The following SLC6A4 variants were observed in gnomAD, a reference collection of about 807,000 sequenced individuals.
SLC6A4 encodes the protein sodium-dependent serotonin transporter.
A neutral mutation model predicts 73.4 loss-of-function variants in SLC6A4; 22 were observed. That is an observed-to-expected ratio of 0.30 (90% CI 0.21 to 0.43). The LOEUF is 0.43. Among genes scored for constraint, SLC6A4 ranks in the 20% least tolerant of loss-of-function variants. The probability of loss-of-function intolerance (pLI) is 1.00; values close to 1 mark genes in which losing one functional copy is unlikely to be tolerated. For missense variants in SLC6A4, 593 were observed against 808.5 expected, an observed-to-expected ratio of 0.73 and a Z score of 3.23; for synonymous variants, 270 against 315.5, an observed-to-expected ratio of 0.86 and a Z score of 1.53.
chr17:30,218,109 T>C lies in SLC6A4; in HGVS notation c.698+9A>G, dbSNP rs749950094. On this transcript the variant is annotated intron_variant, in intron 5 of 14. Coordinates refer to ENST00000650711, the MANE Select transcript of SLC6A4 (RefSeq NM_001045.6). ...CTAACAGGCCAACCCCTCACTTACG[T>C]GCACTTACGTGTAAAATTCTTCAGC... 2 of 1,612,486 alleles carry C rather than the reference T, an allele frequency of 1.2e-6. No homozygotes were observed. The highest frequency in any genetic ancestry group is 1.7e-5 in the Admixed American group (1 of 60,016).
chr17:30,217,437 C>G, intron 5 of SLC6A4, 133 bp from the exon 6 acceptor site: 1 of 847,166 alleles, frequency 1.2e-6, no homozygotes, highest in Non-Finnish European at 1.8e-6. Flanking sequence ...CACTGAGGCC[C>G]AGGAAGAGCT....
At chr17:30,230,072 G>A (rs1362369491) in intron 1 of SLC6A4, among the ~76,000 whole-genome samples, 1 of 114,912 alleles carries the variant, frequency 8.7e-6, no homozygotes, top group African/African-American at 4.8e-5. Context: ...AGAAGAAGAA[G>A]AAGAAGAAGA....
chr17:30,220,443 T>C (rs982883288), intron 3 of SLC6A4, among the ~76,000 whole-genome samples: 1 of 152,102 alleles, frequency 6.6e-6, no homozygotes, highest in African/African-American at 2.4e-5. Context: ...AGTTAACTAC[T>C]TGAGAGGCTT....
chr17:30,218,540 C>G (rs1906653204), intron 4 of SLC6A4, among the ~76,000 whole-genome samples: 2 of 152,180 alleles, frequency 1.3e-5, no homozygotes, highest in African/African-American at 4.8e-5. Flanking sequence ...TGCAAGGTAA[C>G]ATGTTTTAGA....
At chr17:30,230,077 A>AGAAGAAGAAGAAGAG (rs1907045806) in intron 1 of SLC6A4, among the ~76,000 whole-genome samples, 1 of 120,752 alleles carries the variant, frequency 8.3e-6, no homozygotes, top group East Asian at 2.1e-4. Context: ...AAGAAGAAGA[A>AGAAGAAGAAGAAGAG]GAAGAAGAAG....
intron 14 of SLC6A4, among the ~76,000 whole-genome samples, 196 bp from the exon 15 acceptor site, chr17:30,198,726 T>C (rs914464055): frequency 1.3e-5 from 2 of 152,194 alleles, no homozygotes; most frequent in Admixed American, 1.3e-4. Flanking sequence ...TAAAATGGTA[T>C]ATTCAGAAAC....
At chr17:30,234,199 A>G (rs1484182927) in intron 1 of SLC6A4, among the ~76,000 whole-genome samples, 9 of 151,992 alleles carry the variant, frequency 5.9e-5, no homozygotes, top group Admixed American at 5.2e-4. Flanking sequence ...TAGTATATAT[A>G]TATTTCTTAA....
Position 30,221,600 on chromosome 17 carries a change from A to G in SLC6A4, c.343+16T>C, listed in dbSNP as rs753173159. ...ACCCTGGGTCACAGCCTCTACTCGC[A>G]GCCTGTGATACTGACCCCCTCCATT... On this transcript the variant is annotated intron_variant, in intron 3 of 14. Transcript: ENST00000650711. The G allele has an allele frequency of 3.7e-6, 6 of 1,605,282 alleles. No individual in the cohort carries two copies. The Admixed American group carries it at 6.7e-5, about 18-fold the overall frequency.
chr17:30,225,580 C>T (rs536319743), intron 1 of SLC6A4, among the ~76,000 whole-genome samples: 15 of 152,304 alleles, frequency 9.8e-5, no homozygotes, highest in African/African-American at 3.6e-4. Context: ...AATATTACAG[C>T]TGTGACCTTC....
Position 30,211,397 on chromosome 17 carries a change from G to A in SLC6A4, c.1232C>T (p.Ala411Val). 1 of 1,613,004 alleles carries A rather than the reference G, an allele frequency of 6.2e-7. No individual in the cohort carries two copies. The highest frequency in any genetic ancestry group is 8.5e-7 in the Non-Finnish European group (1 of 1,179,002). Residue 411 changes from alanine (A) to valine (V), a missense_variant, in exon 10 of 15, where the codon GCA becomes GTA. Physicochemically the swap from Ala to Val is moderately conservative, Grantham distance 64 (BLOSUM62 0). Coordinates refer to ENST00000650711, the MANE Select transcript of SLC6A4 (RefSeq NM_001045.6). The surrounding 1 kb of genome is among the most constrained non-coding windows in gnomAD (Gnocchi z 4.0). ...CGCTGGCATGTTGGCTATCGCTTCT[G>A]CATACGTGATGAAGAGGAGGCTGGG... ...AGPSLLFITY[A>V]EAIANMPAST...
chr17:30,226,059 C>G (rs553703208), intron 1 of SLC6A4, among the ~76,000 whole-genome samples: 28 of 152,204 alleles, frequency 1.8e-4, no homozygotes, highest in Non-Finnish European at 2.8e-4. Context: ...TCAGTGCCTT[C>G]TAAGCAGAAA....
intron 14 of SLC6A4, among the ~76,000 whole-genome samples, chr17:30,200,245 C>T (rs1195518188): frequency 6.6e-6 from 1 of 152,240 alleles, no homozygotes; most frequent in Non-Finnish European, 1.5e-5. Flanking sequence ...GGATGCCAGG[C>T]CCACGTCTGT....
chr17:30,214,553 C>T (rs1250861570), intron 8 of SLC6A4, among the ~76,000 whole-genome samples: 2 of 151,408 alleles, frequency 1.3e-5, no homozygotes, highest in African/African-American at 4.9e-5. Flanking sequence ...TTGTTAAACA[C>T]ATTGACTAGT....
intron 1 of SLC6A4, among the ~76,000 whole-genome samples, chr17:30,224,854 A>G (rs911992780): frequency 2.6e-5 from 4 of 152,150 alleles, no homozygotes; most frequent in African/African-American, 9.7e-5. Context: ...TGTTCTCAGG[A>G]GTCCTCAGGG....
chr17:30,217,514 C>T (rs753285654), intron 5 of SLC6A4, among the ~76,000 whole-genome samples: 5 of 152,196 alleles, frequency 3.3e-5, no homozygotes, highest in Non-Finnish European at 7.4e-5. Context: ...GAAGAGTGTT[C>T]AACCTAAAGG....
chr17:30,198,399 C>G lies in SLC6A4; in HGVS notation c.*57G>C, dbSNP rs200612997. 2.0e-6 allele frequency: 2 copies of G among 980,860 alleles called. No individual in the cohort carries two copies. The highest frequency in any genetic ancestry group is 3.3e-5 in the African/African-American group (2 of 60,846). 60.8% of individuals were successfully genotyped at this position (980,860 alleles called of 1,614,324 possible). On this transcript the variant is annotated 3_prime_UTR_variant, in exon 15 of 15. Transcript: ENST00000650711. The stretch of plus-strand genomic sequence containing the variant: ...CTTGGAGGGGAGAAGGCAGGCGTGC[C>G]TCATCAGAACTGGAGGAGGAGGTTG...
Position 30,203,048 on chromosome 17 carries a change from A to G in SLC6A4, c.1818+124T>C, listed in dbSNP as rs753419728. On this transcript the variant is annotated intron_variant, in intron 14 of 14. Coordinates refer to ENST00000650711, the MANE Select transcript of SLC6A4 (RefSeq NM_001045.6). ...GGTCTTCGCCATGGCACAGGTACATACATATATAGGGTTGCATGCCTCCTG... is the reference window on the plus strand; with the variant it reads ...GGTCTTCGCCATGGCACAGGTACATGCATATATAGGGTTGCATGCCTCCTG... 2.7e-4 allele frequency: 203 copies of G among 741,478 alleles called. 1 individual carries two copies. Among genetic ancestry groups the G allele is most frequent in the Non-Finnish European group, 2.9e-4 (129 of 450,682 alleles). The allele number at this position is 741,478 out of a possible 1,614,324, so 45.9% of individuals were successfully genotyped here.
intron 13 of SLC6A4, 85 bp downstream of exon 13, chr17:30,207,647 G>A (rs536398485): frequency 8.9e-6 from 8 of 903,040 alleles, no homozygotes; most frequent in Admixed American, 5.6e-5. Context: ...ATGAGCCACC[G>A]TGCCCAGCCA....
chr17:30,223,614 G>C (rs762119173), intron 1 of SLC6A4, among the ~76,000 whole-genome samples: 1 of 152,160 alleles, frequency 6.6e-6, no homozygotes, highest in African/African-American at 2.4e-5. Context: ...TAAAGGGATC[G>C]ATTGTTGCCA....
Sources: allele counts gnomAD v4.1 joint callset (sites outside exome capture counted in the v4.1 genomes callset), GRCh38; gene constraint gnomAD v4.1.1; non-coding constraint Gnocchi (gnomAD v3.1); transcripts MANE v1.5; gene names NCBI Gene and HGNC (gene_info 2026-07-23, HGNC 2026-07-21).